USP42: variants seen among roughly 807,000 people sequenced by gnomAD.
The protein encoded by USP42 is ubiquitin carboxyl-terminal hydrolase 42.
USP42 carries 23 observed loss-of-function variants against 113.0 expected under a neutral mutation model. The observed-to-expected ratio is 0.20, with a 90% CI of 0.15 to 0.29. The LOEUF (loss-of-function observed/expected upper bound fraction) is 0.29, where lower values mean the gene tolerates loss of function less well. Ranked by LOEUF, USP42 falls within the 10% of genes least tolerant of loss-of-function variation. The probability of loss-of-function intolerance (pLI) is 1.00; values close to 1 mark genes in which losing one functional copy is unlikely to be tolerated. For synonymous variants in USP42, 933 were observed against 699.0 expected (o/e 1.33, Z -5.28); for missense variants, 2,174 against 1,779.8 (o/e 1.22, Z -3.99).
chr7:6,112,471 A>G (rs57683802), intron 2 of USP42, among the ~76,000 whole-genome samples: 54,720 of 152,010 alleles, frequency 0.36, 12,621 homozygotes, highest in East Asian at 0.73. Flanking sequence ...AGAAAAAAAA[A>G]AGAGAGCATG....
chr7:6,121,654 C>T (rs1002789690), intron 3 of USP42, among the ~76,000 whole-genome samples: 2 of 152,104 alleles, frequency 1.3e-5, no homozygotes, highest in Non-Finnish European at 2.9e-5. Context: ...TTTTAAACTA[C>T]ATTCTTCTTT....
Position 6,154,697 on chromosome 7 carries a change from A to G in USP42, c.3143A>G (p.Lys1048Arg), listed in dbSNP as rs767366238. 1.2e-6 allele frequency: 2 copies of G among 1,602,790 alleles called. No homozygotes were observed. The highest frequency in any genetic ancestry group is 1.1e-5 in the South Asian group (1 of 89,170). The change falls in exon 15 of 18, where the codon AAG becomes AGG. Residue 1048 changes from lysine (K) to arginine (R), a missense_variant. By Grantham distance (26) the Lys-to-Arg change is conservative. Transcript: ENST00000306177. ...GGCGAGCGTGGCTGGGGCCGGGAGA[A>G]GTTCTACCCCGACAGGCCGCGCTGG... ...TEGERGWGRE[K>R]FYPDRPRWDR...
At position 6,142,899 on chromosome 7, in the gene USP42, G is replaced by T. The variant is rs189617401; in HGVS notation, c.796-33G>T. On this transcript the variant is annotated intron_variant, in intron 7 of 17. Transcript: ENST00000306177. ...ACCCAAACACAAGTGACGGTGTGCGGTGATGTGGTGTTTGTGCCTCTTCTC... is the reference window on the plus strand; with the variant it reads ...ACCCAAACACAAGTGACGGTGTGCGTTGATGTGGTGTTTGTGCCTCTTCTC... 8 of 1,607,972 alleles carry T rather than the reference G, an allele frequency of 5.0e-6. 1 individual carries two copies. The Admixed American group carries it at 1.3e-4, about 27-fold the overall frequency.
At chr7:6,104,452 A>G (rs1699882686), upstream of USP42, among the ~76,000 whole-genome samples, 1 of 152,264 alleles carries the variant, frequency 6.6e-6, no homozygotes, top group Non-Finnish European at 1.5e-5. Flanking sequence ...AGGTAGTTGC[A>G]GAGGGCGAAG....
the USP42 span, among the ~76,000 whole-genome samples, chr7:6,091,680 TAC>T: frequency 2.0e-3 from 268 of 136,040 alleles, 5 homozygotes; most frequent in African/African-American, 4.5e-3. Flanking sequence ...TATGTTAGCA[TAC>T]ACACACACAC....
intron 3 of USP42, among the ~76,000 whole-genome samples, chr7:6,117,166 C>T (rs1230467782): frequency 6.6e-6 from 1 of 152,074 alleles, no homozygotes; most frequent in Non-Finnish European, 1.5e-5. Flanking sequence ...CTCAAAAGTT[C>T]CCCGATGCCC....
intron 2 of USP42, among the ~76,000 whole-genome samples, chr7:6,113,834 A>G (rs1334983884): frequency 1.3e-5 from 2 of 151,812 alleles, no homozygotes; most frequent in Admixed American, 6.6e-5. Context: ...TGTTAGCCTG[A>G]ATAGTCTCGA....
At chr7:6,129,365 G>A (rs1371420698) in intron 3 of USP42, among the ~76,000 whole-genome samples, 1 of 151,770 alleles carries the variant, frequency 6.6e-6, no homozygotes, top group Non-Finnish European at 1.5e-5. Flanking sequence ...AGACCAGCCT[G>A]GCCAACATGG....
At chr7:6,082,394 C>G in the USP42 span, among the ~76,000 whole-genome samples, 4 of 151,508 alleles carry the variant, frequency 2.6e-5, no homozygotes, top group Non-Finnish European at 4.4e-5. Flanking sequence ...TCCCGAAGTG[C>G]TGGGATTACA....
chr7:6,085,154 C>G, the USP42 span: 1 of 150,918 alleles, frequency 6.6e-6, no homozygotes, highest in Non-Finnish European at 1.5e-5. Flanking sequence ...GATTCTCACT[C>G]TGTCATCCAG....
At chr7:6,147,966 G>A (rs538253603) in intron 12 of USP42, 74 bp downstream of exon 12, 2 of 1,441,432 alleles carry the variant, frequency 1.4e-6, no homozygotes, top group African/African-American at 1.4e-5. Flanking sequence ...AAGTTGAATT[G>A]TAGTGGTTGC....
intron 3 of USP42, among the ~76,000 whole-genome samples, chr7:6,125,346 C>T (rs1459192503): frequency 6.6e-6 from 1 of 151,944 alleles, no homozygotes; most frequent in Non-Finnish European, 1.5e-5. Flanking sequence ...AAAAATTAGC[C>T]TGACATGGTG....
chr7:6,155,292 G>C, intron 15 of USP42, 97 bp downstream of exon 15: 1 of 1,434,654 alleles, frequency 7.0e-7, no homozygotes, highest in Non-Finnish European at 9.1e-7. Context: ...TGACCAGCCA[G>C]GCCACAGTTG....
At chr7:6,144,446 C>CTTGT (rs774480740) in intron 9 of USP42, among the ~76,000 whole-genome samples, 1 of 152,126 alleles carries the variant, frequency 6.6e-6, no homozygotes, top group Non-Finnish European at 1.5e-5. Flanking sequence ...TTCATTTTGT[C>CTTGT]TTGTTTGTTT....
chr7:6,105,122 C>T (rs1320706689), intron 1 of USP42, 90 bp downstream of exon 1: 5 of 147,010 alleles, frequency 3.4e-5, no homozygotes, highest in South Asian at 3.7e-4. Context: ...GCTCGGCCGC[C>T]CCTCAGCCGG....
the USP42 span, among the ~76,000 whole-genome samples, chr7:6,095,063 T>C: frequency 1.3e-5 from 2 of 151,254 alleles, no homozygotes; most frequent in African/African-American, 4.9e-5. Context: ...GCTGGCATTA[T>C]AGGTGTGAGC....
At chr7:6,151,748 A>T (rs1782065098) in intron 14 of USP42, among the ~76,000 whole-genome samples, 1 of 152,082 alleles carries the variant, frequency 6.6e-6, no homozygotes, top group South Asian at 2.1e-4. Context: ...CGGCCAGCAG[A>T]GTCGTTTATT....
rs569493040 is a variant in USP42 at position 6,115,302 on chromosome 7, C to T, written c.242-21C>T. 1.6e-5 allele frequency: 26 copies of T among 1,612,214 alleles called. No homozygotes were observed. In the African/African-American group the frequency reaches 2.5e-4, roughly 16 times the overall value. On this transcript the variant is annotated intron_variant, in intron 2 of 17. Coordinates refer to ENST00000306177, the MANE Select transcript of USP42 (RefSeq NM_032172.3). The stretch of plus-strand genomic sequence containing the variant: ...AGTATGCAAAGCTTGGTTTCTGACT[C>T]TTTCTTGTTTATTTTTCTAGCCCTA...
rs754582343 is a variant in USP42 at position 6,111,105 on chromosome 7, A to G, written c.-9-20A>G. 61 of 1,598,970 alleles carry G rather than the reference A, an allele frequency of 3.8e-5. 1 individual carries two copies. The South Asian group carries it at 5.7e-4, about 15-fold the overall frequency. On this transcript the variant is annotated intron_variant, in intron 1 of 17. Transcript: ENST00000306177. ...TTTTCTCACCTGATGAAACAAATAC[A>G]TACTTTTCATCTTTTGCAGAGTTGA...
Sources: allele counts gnomAD v4.1 joint callset (sites outside exome capture counted in the v4.1 genomes callset), GRCh38; gene constraint gnomAD v4.1.1; transcripts MANE v1.5; gene names NCBI Gene and HGNC (gene_info 2026-07-23, HGNC 2026-07-21).